Variants in MTUS2 observed in about 807,000 individuals in gnomAD.
The protein encoded by MTUS2 is microtubule-associated tumor suppressor candidate 2.
In MTUS2, 40 loss-of-function variants were observed where a neutral mutation model predicts 114.1. That is an observed-to-expected ratio of 0.35 (90% confidence interval 0.27 to 0.46). The LOEUF (loss-of-function observed/expected upper bound fraction) is 0.46, where lower values mean the gene tolerates loss of function less well. Among genes scored for constraint, MTUS2 ranks in the 20% least tolerant of loss-of-function variants. MTUS2 has a pLI of 1.00. For missense variants in MTUS2, 1,679 were observed against 1,705.4 expected, an observed-to-expected ratio of 0.98 and a Z score of 0.27; for synonymous variants, 688 against 672.0, an observed-to-expected ratio of 1.02 and a Z score of -0.37.
At chr13:28,956,699 G>A (rs1213951999) in intron 2 of MTUS2, among the ~76,000 whole-genome samples, 1 of 152,190 alleles carries the variant, frequency 6.6e-6, no homozygotes, top group East Asian at 1.9e-4. Context: ...GGAGATAGAG[G>A]GAGTGAGGGA....
intron 2 of MTUS2, among the ~76,000 whole-genome samples, chr13:28,941,635 A>G (rs1694122192): frequency 6.6e-6 from 1 of 152,158 alleles, no homozygotes; most frequent in African/African-American, 2.4e-5. Context: ...TGGTTGACGT[A>G]TATGAAGAAA....
intron 4 of MTUS2, among the ~76,000 whole-genome samples, chr13:29,058,409 A>T (rs933731650): frequency 1.3e-5 from 2 of 151,772 alleles, no homozygotes; most frequent in Non-Finnish European, 2.9e-5. Context: ...TCTTTCAGGG[A>T]CACCAGTGAG....
intron 2 of MTUS2, among the ~76,000 whole-genome samples, chr13:29,002,217 C>G (rs1336311299): frequency 6.6e-6 from 1 of 152,168 alleles, no homozygotes; most frequent in Non-Finnish European, 1.5e-5. Context: ...GAGAGCCTAC[C>G]TTCCTTCACT....
intron 2 of MTUS2, among the ~76,000 whole-genome samples, chr13:28,898,320 A>G (rs888678141): frequency 6.6e-6 from 1 of 152,184 alleles, no homozygotes; most frequent in Non-Finnish European, 1.5e-5. Context: ...TCTGAAGGTG[A>G]GTAGTAAGAG....
At chr13:29,460,912 T>A (rs1282692092) in intron 9 of MTUS2, among the ~76,000 whole-genome samples, 3 of 151,378 alleles carry the variant, frequency 2.0e-5, no homozygotes, top group Non-Finnish European at 2.9e-5. Context: ...AAAAAAAAAA[T>A]TGGCAAAAGC....
intron 5 of MTUS2, among the ~76,000 whole-genome samples, chr13:29,110,338 C>T (rs1890835312): frequency 6.6e-6 from 1 of 152,196 alleles, no homozygotes; most frequent in South Asian, 2.1e-4. Context: ...TCTCATTTTG[C>T]TAGAGCCTAA....
At chr13:29,359,070 C>T (rs1380680722) in intron 7 of MTUS2, among the ~76,000 whole-genome samples, 192 bp from the exon 8 acceptor site, 1 of 152,050 alleles carries the variant, frequency 6.6e-6, no homozygotes, top group Non-Finnish European at 1.5e-5. Flanking sequence ...AAACCTTGCA[C>T]TTAACAACCA....
chr13:29,152,120 T>C (rs1376259695), intron 5 of MTUS2, among the ~76,000 whole-genome samples: 1 of 152,088 alleles, frequency 6.6e-6, no homozygotes, highest in Non-Finnish European at 1.5e-5. Context: ...TGGTGTCAGC[T>C]CTTCTTTGTG....
At chr13:28,998,790 G>A (rs1313513078) in intron 2 of MTUS2, among the ~76,000 whole-genome samples, 6 of 152,168 alleles carry the variant, frequency 3.9e-5, no homozygotes, top group African/African-American at 7.2e-5. Context: ...TTATCTATTC[G>A]TCTAATTTTT....
rs377437375 is a variant in MTUS2, at chr13:29,359,284, G to T, written c.2928G>T (p.Ala976=). 2 of 1,603,672 alleles carry T rather than the reference G, an allele frequency of 1.2e-6. No homozygotes were observed. The highest frequency in any genetic ancestry group is 1.1e-5 in the South Asian group (1 of 89,236). The change falls in exon 8 of 16, where the codon GCG becomes GCT. Residue 976 remains alanine, a synonymous_variant. Transcript: ENST00000612955. ...CAGGATACCCAAAGCAGAGGACTGC[G>T]GCAGCTCGAAATGGGTTTCCGCCCA... ...HSPGYPKQRT[A]AARNGFPPKP...
chr13:28,930,154 T>TC (rs1238076356), intron 2 of MTUS2, among the ~76,000 whole-genome samples: 4 of 152,352 alleles, frequency 2.6e-5, no homozygotes, highest in South Asian at 4.1e-4. Flanking sequence ...TCAGAATTAT[T>TC]CTTTAGCCTC....
chr13:29,280,005 G>A (rs1898206972), intron 5 of MTUS2, among the ~76,000 whole-genome samples: 1 of 152,204 alleles, frequency 6.6e-6, no homozygotes, highest in African/African-American at 2.4e-5. Flanking sequence ...TATGTCAGCA[G>A]GAGGCTAGAC....
chr13:29,429,406 C>T (rs1177408483), intron 8 of MTUS2, among the ~76,000 whole-genome samples: 1 of 152,184 alleles, frequency 6.6e-6, no homozygotes, highest in Non-Finnish European at 1.5e-5. Context: ...TCTCTCTGTA[C>T]TTCTTTGCAT....
Position 29,497,322 on chromosome 13 carries a change from G to C in MTUS2, c.3664G>C (p.Glu1222Gln), listed in dbSNP as rs368605409. ...CGAAGAGGCCTTGAGGAAGAACACA[G>C]AGGAGCAGCTGGAGGTCGTTTCTGG... The part of the protein sequence containing the change: ...RFEEALRKNT[E>Q]EQLEIALAPY... Residue 1222 changes from glutamate to glutamine, a missense_variant, in exon 13 of 16, where the codon GAG (glutamate) becomes CAG (glutamine). Transcript: ENST00000612955. The C allele has an allele frequency of 1.6e-5, 26 of 1,611,702 alleles. No homozygotes were observed. In the African/African-American group the frequency reaches 3.1e-4, roughly 19 times the overall value.
At chr13:28,992,519 T>C (rs1249714929) in intron 2 of MTUS2, among the ~76,000 whole-genome samples, 2 of 152,256 alleles carry the variant, frequency 1.3e-5, no homozygotes, top group East Asian at 3.9e-4. Flanking sequence ...ATTTACAGCA[T>C]TGCATACTGT....
chr13:29,453,187 CAT>C (rs1333614880), intron 9 of MTUS2, among the ~76,000 whole-genome samples: 2 of 152,176 alleles, frequency 1.3e-5, no homozygotes, highest in Admixed American at 6.5e-5. Context: ...AAGAAAAAGA[CAT>C]AACGTGTTAC....
rs532815227 is a variant in MTUS2, at chr13:29,079,914, T to C, written c.2447-20859T>C. On this transcript the variant is annotated intron_variant, in intron 4 of 15. Coordinates refer to ENST00000612955, the MANE Select transcript of MTUS2 (RefSeq NM_001033602.4). ...TTCTATATGAATTTTAGGATTAGCT[T>C]GTTAATTTCTGCAGATAAGCCATGT... 6.2e-4 allele frequency among the ~76,000 whole-genome samples: 95 copies of C among 152,352 alleles called. 1 individual carries two copies. The highest frequency in any genetic ancestry group is 2.2e-3 in the African/African-American group (90 of 41,592).
At chr13:28,888,440 A>G (rs1330444391) in intron 2 of MTUS2, among the ~76,000 whole-genome samples, 5 of 126,264 alleles carry the variant, frequency 4.0e-5, no homozygotes, top group African/African-American at 1.5e-4. Flanking sequence ...TTTTTTTGAT[A>G]GATGGAGTTT....
intron 5 of MTUS2, among the ~76,000 whole-genome samples, chr13:29,177,157 C>A (rs1420717374): frequency 6.6e-6 from 1 of 150,978 alleles, no homozygotes; most frequent in East Asian, 1.9e-4. Context: ...TAAGATCTTA[C>A]ATTTGCGATA....
Sources: allele counts gnomAD v4.1 joint callset (sites outside exome capture counted in the v4.1 genomes callset), GRCh38; gene constraint gnomAD v4.1.1; transcripts MANE v1.5; gene names NCBI Gene and HGNC (gene_info 2026-07-23, HGNC 2026-07-21).